Variants in TTC27 observed in about 807,000 individuals in gnomAD.
TTC27 encodes the protein tetratricopeptide repeat protein 27.
Under a neutral mutation model 115.9 loss-of-function variants are expected in TTC27, and 79 were observed. That is an observed-to-expected ratio of 0.68 (90% CI 0.57 to 0.82). TTC27 has a LOEUF of 0.82. Ranked by LOEUF, TTC27 falls within the 40% of genes least tolerant of loss-of-function variation. The pLI is 0.00. For synonymous variants in TTC27, 401 were observed against 356.0 expected, an observed-to-expected ratio of 1.13 and a Z score of -1.42; for missense variants, 1,054 against 993.1, an observed-to-expected ratio of 1.06 and a Z score of -0.82.
At chr2:32,675,848 A>G (rs1017923896) in intron 8 of TTC27, among the ~76,000 whole-genome samples, 3 of 151,834 alleles carry the variant, frequency 2.0e-5, no homozygotes, top group African/African-American at 4.8e-5. Context: ...CTAGAGTACA[A>G]TGGTGCAATC....
chr2:32,750,572 T>C (rs1668975308), intron 12 of TTC27, among the ~76,000 whole-genome samples: 1 of 152,234 alleles, frequency 6.6e-6, no homozygotes, highest in Admixed American at 6.5e-5. Context: ...TTGTTTAACT[T>C]GGGAATTTAC....
chr2:32,715,813 A>G (rs568454484), intron 10 of TTC27, among the ~76,000 whole-genome samples: 16 of 151,934 alleles, frequency 1.1e-4, no homozygotes, highest in Non-Finnish European at 2.1e-4. Flanking sequence ...GATTTGTTAC[A>G]CTGAGGCTCG....
chr2:32,671,631 A>T (rs1278017063), intron 7 of TTC27, among the ~76,000 whole-genome samples: 1 of 152,104 alleles, frequency 6.6e-6, no homozygotes, highest in African/African-American at 2.4e-5. Flanking sequence ...GTACTTCCTC[A>T]TATTTTATTC....
At chr2:32,737,084 C>A (rs182017443) in intron 12 of TTC27, among the ~76,000 whole-genome samples, 1 of 152,074 alleles carries the variant, frequency 6.6e-6, no homozygotes, top group Non-Finnish European at 1.5e-5. Context: ...GACTTCAAAG[C>A]GAAATATTTG....
chr2:32,777,470 CT>C (rs1373213229), intron 13 of TTC27, among the ~76,000 whole-genome samples: 11 of 152,128 alleles, frequency 7.2e-5, no homozygotes, highest in Admixed American at 5.9e-4. Flanking sequence ...AGTGCAAATG[CT>C]ATATAATTTG....
At chr2:32,682,114 C>T (rs1001762070) in intron 9 of TTC27, among the ~76,000 whole-genome samples, 8 of 150,676 alleles carry the variant, frequency 5.3e-5, no homozygotes, top group Non-Finnish European at 1.2e-4. Context: ...TGTGACAGTG[C>T]TTCAATGCTT....
At chr2:32,655,886 TAAATTC>T (rs1415742158) in intron 5 of TTC27, among the ~76,000 whole-genome samples, 6 of 152,170 alleles carry the variant, frequency 3.9e-5, no homozygotes, top group African/African-American at 1.4e-4. Context: ...TATGGCTACT[TAAATTC>T]AAATAAAGTA....
At chr2:32,745,824 C>T (rs1240201930) in intron 12 of TTC27, among the ~76,000 whole-genome samples, 1 of 152,214 alleles carries the variant, frequency 6.6e-6, no homozygotes, top group African/African-American at 2.4e-5. Context: ...AGCAGTGGCT[C>T]TTTCCTTTGG....
chr2:32,785,576 T>A (rs998250437), intron 15 of TTC27, among the ~76,000 whole-genome samples: 3 of 152,118 alleles, frequency 2.0e-5, no homozygotes, highest in African/African-American at 7.2e-5. Flanking sequence ...CTAGTTTTTG[T>A]TAGCTATTGA....
chr2:32,800,157 A>G (rs1024608569), intron 16 of TTC27, among the ~76,000 whole-genome samples: 3 of 152,238 alleles, frequency 2.0e-5, no homozygotes, highest in African/African-American at 7.2e-5. Flanking sequence ...GGCGGGGAAC[A>G]GTACCTGGCA....
chr2:32,696,923 G>A (rs1193631389), intron 9 of TTC27, among the ~76,000 whole-genome samples: 1 of 152,182 alleles, frequency 6.6e-6, no homozygotes, highest in Non-Finnish European at 1.5e-5. Context: ...TAGCCGATGG[G>A]CGTGGTGGCT....
intron 7 of TTC27, among the ~76,000 whole-genome samples, chr2:32,671,780 T>C (rs953014781): frequency 5.9e-5 from 9 of 152,216 alleles, no homozygotes; most frequent in African/African-American, 1.7e-4. Context: ...ACTATATTGC[T>C]GAGACACAGA....
intron 12 of TTC27, among the ~76,000 whole-genome samples, chr2:32,751,737 G>T (rs1219074885): frequency 6.6e-6 from 1 of 152,140 alleles, no homozygotes; most frequent in African/African-American, 2.4e-5. Flanking sequence ...AAATACTAGG[G>T]AAGAGCTATG....
At chr2:32,788,765 A>G (rs1670431710) in intron 16 of TTC27, among the ~76,000 whole-genome samples, 1 of 152,186 alleles carries the variant, frequency 6.6e-6, no homozygotes, top group Non-Finnish European at 1.5e-5. Context: ...AAGTTGTTTT[A>G]TATAAGGTAC....
intron 2 of TTC27, among the ~76,000 whole-genome samples, chr2:32,631,353 A>C (rs976552496): frequency 6.6e-6 from 1 of 152,168 alleles, no homozygotes; most frequent in Non-Finnish European, 1.5e-5. Flanking sequence ...TTATTTCTGC[A>C]TAGCTGAGTG....
At position 32,666,778 on chromosome 2, in the gene TTC27, A is replaced by G; in HGVS notation, c.939+10A>G. The stretch of plus-strand genomic sequence containing the variant: ...GGAACATTTAACCAAGGCAAGTAGG[A>G]CATTAAGTTATTAAATTCAATTAAC... On this transcript the variant is annotated intron_variant, in intron 7 of 19. Coordinates refer to ENST00000317907, the MANE Select transcript of TTC27 (RefSeq NM_017735.5). 6.2e-7 allele frequency: 1 copy of G among 1,610,196 alleles called. No homozygotes were observed. The highest frequency in any genetic ancestry group is 8.5e-7 in the Non-Finnish European group (1 of 1,178,306).
chr2:32,686,660 T>G (rs1299481093), intron 9 of TTC27, among the ~76,000 whole-genome samples: 2 of 151,684 alleles, frequency 1.3e-5, no homozygotes, highest in Non-Finnish European at 2.9e-5. Flanking sequence ...CACGCCCGGC[T>G]GCTTCTGTAG....
intron 2 of TTC27, among the ~76,000 whole-genome samples, chr2:32,632,917 A>G (rs1449630734): frequency 1.3e-5 from 2 of 152,234 alleles, no homozygotes. Flanking sequence ...GGAAAAAAAC[A>G]AACATGATAT....
At chr2:32,788,055 GTGACTGC>G (rs1432606296) in intron 16 of TTC27, among the ~76,000 whole-genome samples, 2 of 152,094 alleles carry the variant, frequency 1.3e-5, no homozygotes, top group Non-Finnish European at 2.9e-5. Flanking sequence ...TCAGTATATT[GTGACTGC>G]TGAAAATAGT....
Sources: allele counts gnomAD v4.1 joint callset (sites outside exome capture counted in the v4.1 genomes callset), GRCh38; gene constraint gnomAD v4.1.1; transcripts MANE v1.5; gene names NCBI Gene and HGNC (gene_info 2026-07-23, HGNC 2026-07-21).